The following HSD17B2 variants were observed in gnomAD, a reference collection of about 807,000 sequenced individuals.
HSD17B2 encodes the protein hydroxysteroid 17-beta dehydrogenase 2, also known as 17-beta-hydroxysteroid dehydrogenase type 2.
A neutral mutation model predicts 26.9 loss-of-function variants in HSD17B2; 32 were observed. The ratio of observed to expected loss-of-function variants is 1.19; its 90% CI spans 0.90 to 1.60. The LOEUF is 1.60. HSD17B2 is among the 40% of genes most tolerant of loss of function. The probability of loss-of-function intolerance (pLI) is 0.00; values close to 1 mark genes in which losing one functional copy is unlikely to be tolerated. For synonymous variants in HSD17B2, 246 were observed against 186.7 expected, an observed-to-expected ratio of 1.32 and a Z score of -2.59; for missense variants, 613 against 468.6, an observed-to-expected ratio of 1.31 and a Z score of -2.85.
intron 1 of HSD17B2, among the ~76,000 whole-genome samples, chr16:82,041,195 T>C (rs947676229): frequency 6.6e-6 from 1 of 152,230 alleles, no homozygotes; most frequent in South Asian, 2.1e-4. Flanking sequence ...TCTCTTTTTA[T>C]GACCATGTGC....
At chr16:82,057,101 G>A (rs1367373599) in intron 1 of HSD17B2, among the ~76,000 whole-genome samples, 1 of 152,140 alleles carries the variant, frequency 6.6e-6, no homozygotes, top group Non-Finnish European at 1.5e-5. Flanking sequence ...ATTAATAAGC[G>A]AGGGAGAAGA....
At chr16:82,063,221 C>G (rs1311478434) in intron 1 of HSD17B2, 1 of 152,162 alleles carries the variant, frequency 6.6e-6, no homozygotes, top group Non-Finnish European at 1.5e-5. Flanking sequence ...TAGAGGCAAA[C>G]TCTACATTTA....
At chr16:82,093,952 T>TG (rs1354165239) in intron 4 of HSD17B2, 2 of 152,182 alleles carry the variant, frequency 1.3e-5, no homozygotes, top group Non-Finnish European at 2.9e-5. Context: ...ATTTATAAAC[T>TG]GTCCTGGTGC....
intron 2 of HSD17B2, among the ~76,000 whole-genome samples, chr16:82,069,607 G>T (rs1377346123): frequency 2.0e-5 from 3 of 152,102 alleles, no homozygotes; most frequent in Admixed American, 2.0e-4. Flanking sequence ...AAATACAAAT[G>T]CTTCTGAGGG....
At chr16:82,060,978 G>A (rs1028836498) in intron 1 of HSD17B2, among the ~76,000 whole-genome samples, 1 of 151,920 alleles carries the variant, frequency 6.6e-6, no homozygotes, top group Non-Finnish European at 1.5e-5. Flanking sequence ...TTCCATTTAT[G>A]GGCCAGGCGT....
At chr16:82,066,878 C>T (rs865904762) in intron 1 of HSD17B2, among the ~76,000 whole-genome samples, 8 of 152,280 alleles carry the variant, frequency 5.3e-5, no homozygotes, top group Middle Eastern at 3.4e-3. Flanking sequence ...GGTACCCATT[C>T]TCCTATTCAT....
chr16:82,040,006 T>C (rs994042547), intron 1 of HSD17B2, among the ~76,000 whole-genome samples: 29 of 152,146 alleles, frequency 1.9e-4, no homozygotes, highest in African/African-American at 6.8e-4. Context: ...AGGGGGAAAG[T>C]GAGAAGGTAT....
chr16:82,043,331 T>C (rs560391262), intron 1 of HSD17B2, among the ~76,000 whole-genome samples: 4 of 152,066 alleles, frequency 2.6e-5, no homozygotes, highest in Non-Finnish European at 4.4e-5. Context: ...ACTTGTGATA[T>C]TGGGGGGAAA....
At chr16:82,084,230 G>C (rs553330265) in intron 3 of HSD17B2, among the ~76,000 whole-genome samples, 14 of 152,202 alleles carry the variant, frequency 9.2e-5, no homozygotes, top group African/African-American at 3.4e-4. Flanking sequence ...GGCACTACTG[G>C]CATTTTGGTG....
At chr16:82,055,428 A>G (rs1456810947) in intron 1 of HSD17B2, among the ~76,000 whole-genome samples, 1 of 152,144 alleles carries the variant, frequency 6.6e-6, no homozygotes, top group Non-Finnish European at 1.5e-5. Context: ...GGGGACTTGG[A>G]TGGTTTTATA....
intron 1 of HSD17B2, among the ~76,000 whole-genome samples, chr16:82,065,763 C>T (rs539278937): frequency 3.9e-5 from 6 of 152,328 alleles, no homozygotes; most frequent in African/African-American, 7.2e-5. Flanking sequence ...TGGTCCAGTA[C>T]GACAGTGACT....
chr16:82,090,782 C>T, intron 3 of HSD17B2, 120 bp from the exon 4 acceptor site: 1 of 971,310 alleles, frequency 1.0e-6, no homozygotes, highest in South Asian at 1.8e-5. Flanking sequence ...CCTTGCCTGC[C>T]TTTGTCTGCC....
intron 1 of HSD17B2, among the ~76,000 whole-genome samples, chr16:82,048,520 A>C (rs1220837962): frequency 6.6e-6 from 1 of 152,186 alleles, no homozygotes; most frequent in African/African-American, 2.4e-5. Flanking sequence ...AGCTCCAGGG[A>C]ACATGAAGAT....
intron 1 of HSD17B2, chr16:82,063,098 A>T (rs1050332170): frequency 2.0e-5 from 3 of 152,120 alleles, no homozygotes; most frequent in Admixed American, 6.5e-5. Flanking sequence ...CCTACCTTCC[A>T]TGTGAGGAAG....
At chr16:82,070,582 T>C (rs923241887) in intron 2 of HSD17B2, among the ~76,000 whole-genome samples, 2 of 152,230 alleles carry the variant, frequency 1.3e-5, no homozygotes, top group African/African-American at 4.8e-5. Flanking sequence ...GTTTGTTGGT[T>C]CCCTATCAGT....
At chr16:82,080,030 C>T (rs1391755968) in intron 3 of HSD17B2, among the ~76,000 whole-genome samples, 2 of 152,156 alleles carry the variant, frequency 1.3e-5, no homozygotes, top group Non-Finnish European at 2.9e-5. Flanking sequence ...AGTCTGGCAC[C>T]TCTGTCACCT....
At chr16:82,036,764 C>T (rs1417594755) in intron 1 of HSD17B2, among the ~76,000 whole-genome samples, 1 of 152,132 alleles carries the variant, frequency 6.6e-6, no homozygotes, top group African/African-American at 2.4e-5. Context: ...GGAGAAAATT[C>T]AGTCAATGGG....
intron 4 of HSD17B2, chr16:82,093,323 T>A (rs986440396): frequency 6.6e-6 from 1 of 152,224 alleles, no homozygotes; most frequent in African/African-American, 2.4e-5. Flanking sequence ...TAATAGCATT[T>A]GACTTTAACT....
intron 1 of HSD17B2, chr16:82,056,495 T>C (rs1914273836): frequency 6.6e-6 from 1 of 152,198 alleles, no homozygotes; most frequent in South Asian, 2.1e-4. Flanking sequence ...TATTTCCATC[T>C]ATTTAAAACA....
Sources: gnomAD v4.1 joint callset for allele counts (sites outside exome capture counted in the v4.1 genomes callset) on GRCh38, gnomAD v4.1.1 for gene constraint, MANE v1.5 for transcripts, NCBI Gene and HGNC (gene_info 2026-07-23, HGNC 2026-07-21) for gene names.